MIDEAS: variants seen among roughly 807,000 people sequenced by gnomAD.
MIDEAS encodes mitotic deacetylase associated SANT domain protein, also known as mitotic deacetylase-associated SANT domain protein.
MIDEAS carries 26 observed loss-of-function variants against 102.7 expected under a neutral mutation model. That is an observed-to-expected ratio of 0.25 (90% confidence interval 0.19 to 0.35). The LOEUF (loss-of-function observed/expected upper bound fraction) is 0.35, where lower values mean the gene tolerates loss of function less well. MIDEAS is among the 10% of genes least tolerant of loss of function. The pLI is 1.00. For synonymous variants in MIDEAS, 585 were observed against 591.0 expected (o/e 0.99, Z 0.15); for missense variants, 1,231 against 1,435.6 (o/e 0.86, Z 2.30).
chr14:73,736,062 C>T (rs1020869132), intron 3 of MIDEAS, among the ~76,000 whole-genome samples: 2 of 152,052 alleles, frequency 1.3e-5, no homozygotes, highest in South Asian at 2.1e-4. Flanking sequence ...GAGGCTGAGG[C>T]AGGAGAATCT....
intron 1 of MIDEAS, among the ~76,000 whole-genome samples, chr14:73,748,916 A>C (rs58605848): frequency 0.4 from 60,717 of 152,112 alleles, 13,473 homozygotes; most frequent in East Asian, 0.8. Context: ...ACAGAGCCCC[A>C]AAATACATGA....
chr14:73,761,317 C>CTGTGG, upstream of MIDEAS, among the ~76,000 whole-genome samples: 1 of 152,178 alleles, frequency 6.6e-6, no homozygotes. Flanking sequence ...CCTACAGGGC[C>CTGTGG]AGGGTGGGGT....
intron 1 of MIDEAS, among the ~76,000 whole-genome samples, chr14:73,784,668 G>A (rs2053790152): frequency 6.6e-6 from 1 of 152,200 alleles, no homozygotes; most frequent in Non-Finnish European, 1.5e-5. Flanking sequence ...TCCTGGTCAG[G>A]TGATCCAGCT....
At chr14:73,768,383 G>A (rs936297822) in intron 1 of MIDEAS, among the ~76,000 whole-genome samples, 4 of 152,014 alleles carry the variant, frequency 2.6e-5, no homozygotes, top group South Asian at 2.1e-4. Flanking sequence ...CTCTGGGCCC[G>A]TGTTTCCCAA....
chr14:73,754,551 A>G (rs1197302895), intron 1 of MIDEAS, among the ~76,000 whole-genome samples: 1 of 152,208 alleles, frequency 6.6e-6, no homozygotes, highest in African/African-American at 2.4e-5. Flanking sequence ...TCCCAAAGTG[A>G]AAGTGGAGAC....
chr14:73,719,128 G>A lies in MIDEAS; in HGVS notation c.3135-120C>T, dbSNP rs560771081. ...CACGCTGCACAGCCGCGGCCGGCCA[G>A]CTCGCGTCATTTTCCGAAAGCTGCC... is the stretch of plus-strand genomic sequence containing the variant. On this transcript the variant is annotated intron_variant, in intron 12 of 12. Coordinates refer to ENST00000423556, the MANE Select transcript of MIDEAS (RefSeq NM_001367710.1). The A allele has an allele frequency of 7.4e-5, 108 of 1,462,416 alleles. No homozygotes were observed. In the South Asian group the frequency reaches 1.4e-3, roughly 19 times the overall value. 90.6% of individuals were successfully genotyped at this position (1,462,416 alleles called of 1,614,324 possible). A position where few individuals can be genotyped will look rare whatever the true frequency, so the allele number is the denominator to read the frequency against.
rs1319511415 is a variant in MIDEAS at position 73,725,226 on chromosome 14, A to G, written c.2574+46T>C. 5 of 1,525,292 alleles carry G rather than the reference A, an allele frequency of 3.3e-6. No individual in the cohort carries two copies. The highest frequency in any genetic ancestry group is 4.5e-6 in the Non-Finnish European group (5 of 1,099,388). The allele number at this position is 1,525,292 out of a possible 1,614,324, so 94.5% of individuals were successfully genotyped here. On this transcript the variant is annotated intron_variant, in intron 9 of 12. Coordinates refer to ENST00000423556, the MANE Select transcript of MIDEAS (RefSeq NM_001367710.1). This position sits in a 1 kb window ranked among gnomAD's most constrained non-coding sequence, Gnocchi z 4.1. ...GGCAGAGGGAGCCCCAAAGTCACAC[A>G]GGCAGCTCCTGGCCCTCATTTGCCC...
intron 1 of MIDEAS, among the ~76,000 whole-genome samples, chr14:73,777,955 T>G (rs905588924): frequency 6.6e-6 from 1 of 151,974 alleles, no homozygotes; most frequent in South Asian, 2.1e-4. Context: ...GAAGCTTCTT[T>G]ATCTTTGTAT....
At chr14:73,776,581 C>T (rs1489359523) in intron 1 of MIDEAS, among the ~76,000 whole-genome samples, 1 of 151,502 alleles carries the variant, frequency 6.6e-6, no homozygotes, top group Non-Finnish European at 1.5e-5. Context: ...AAGAGGGATG[C>T]CCTGTCTCCT....
At chr14:73,750,090 C>T (rs2053402707) in intron 1 of MIDEAS, among the ~76,000 whole-genome samples, 2 of 152,200 alleles carry the variant, frequency 1.3e-5, no homozygotes, top group African/African-American at 4.8e-5. Context: ...AAAGACAGAT[C>T]CTTCCCAAAA....
chr14:73,721,390 C>A lies in MIDEAS; in HGVS notation c.2844G>T (p.Glu948Asp), dbSNP rs1261160112. 1.9e-6 allele frequency: 3 copies of A among 1,614,130 alleles called. No individual in the cohort carries two copies. The highest frequency in any genetic ancestry group is 3.3e-5 in the Admixed American group (2 of 60,002). ...CTTCCTGCTCCTCCTTCTCTTGGAT[C>A]TCTGGCACCTCCTCCTCCCCCTCCT... ...PRKEGEEEVP[E>D]IQEKEEQEEG... The change falls in exon 11 of 13, where the codon GAG becomes GAT. Residue 948 changes from glutamate to aspartate, a missense_variant. By Grantham distance (45) the Glu-to-Asp change is conservative. Coordinates refer to ENST00000423556, the MANE Select transcript of MIDEAS (RefSeq NM_001367710.1).
Position 73,740,192 on chromosome 14 carries a change from TCC to T in MIDEAS, c.-186_-185del, listed in dbSNP as rs2053266089. The T allele has an allele frequency of 1.5e-6, 1 of 653,522 alleles. No homozygotes were observed. Among genetic ancestry groups the T allele is most frequent in the Admixed American group, 4.0e-5 (1 of 24,906 alleles). 40.5% of individuals were successfully genotyped at this position (653,522 alleles called of 1,614,324 possible). ...AGAACTGCTGGCTCTTCCTTTCTCT[TCC>T]AGAGAGGCTCTGGGGCTCAGCTACT... is the stretch of plus-strand genomic sequence containing the variant. On this transcript the variant is annotated 5_prime_UTR_variant, in exon 2 of 13. It removes the in-frame stop codon of an upstream open reading frame in the 5' UTR. Transcript: ENST00000423556.
chr14:73,753,347 T>C (rs1278508446), intron 1 of MIDEAS, among the ~76,000 whole-genome samples: 1 of 152,108 alleles, frequency 6.6e-6, no homozygotes, highest in Non-Finnish European at 1.5e-5. Context: ...GATCAAAGCA[T>C]TGTTCCTTGT....
intron 1 of MIDEAS, among the ~76,000 whole-genome samples, chr14:73,770,260 T>C (rs547573830): frequency 6.6e-6 from 1 of 152,246 alleles, no homozygotes; most frequent in African/African-American, 2.4e-5. Flanking sequence ...CAAAGGAATA[T>C]TAGAAGCAAT....
chr14:73,723,032 A>G, intron 9 of MIDEAS, 185 bp from the exon 10 acceptor site: 1 of 592,380 alleles, frequency 1.7e-6, no homozygotes, highest in Non-Finnish European at 3.0e-6. Flanking sequence ...CAATTAATCA[A>G]TGCTTCAGCA....
At chr14:73,773,806 T>G (rs1371354345) in intron 1 of MIDEAS, among the ~76,000 whole-genome samples, 1 of 151,680 alleles carries the variant, frequency 6.6e-6, no homozygotes, top group African/African-American at 2.4e-5. Flanking sequence ...GTGGATCACT[T>G]GAGGTCACGA....
At chr14:73,751,295 C>G (rs1260626506) in intron 1 of MIDEAS, among the ~76,000 whole-genome samples, 1 of 152,236 alleles carries the variant, frequency 6.6e-6, no homozygotes, top group African/African-American at 2.4e-5. Flanking sequence ...CTTCCTCCCC[C>G]AAGAGTTTCA....
chr14:73,788,598 A>G (rs984622562), upstream of MIDEAS, among the ~76,000 whole-genome samples: 4 of 152,372 alleles, frequency 2.6e-5, no homozygotes, highest in Non-Finnish European at 1.5e-5. Flanking sequence ...TTACTAAGAC[A>G]TTAATGGCAC....
In MIDEAS at chr14:73,738,680, C is replaced by CGCT; in HGVS notation, c.1328_1329insAGC (p.Gly443_Gln444insAla). On this transcript the variant is annotated inframe_insertion, in exon 2 of 13. Coordinates refer to ENST00000423556, the MANE Select transcript of MIDEAS (RefSeq NM_001367710.1). ...GGATCACTCCGCCCCGTAGCACCTGCCCACAGTCCCCTGTGCTCACTGCCC... is the reference window on the plus strand; with the variant it reads ...GGATCACTCCGCCCCGTAGCACCTGCGCTCCACAGTCCCCTGTGCTCACTGCCC... The CGCT allele has an allele frequency of 6.2e-7, 1 of 1,613,864 alleles. No individual in the cohort carries two copies. The highest frequency in any genetic ancestry group is 1.3e-5 in the African/African-American group (1 of 75,070).
Sources: allele counts gnomAD v4.1 joint callset (sites outside exome capture counted in the v4.1 genomes callset), GRCh38; gene constraint gnomAD v4.1.1; non-coding constraint Gnocchi (gnomAD v3.1); transcripts MANE v1.5; gene names NCBI Gene and HGNC (gene_info 2026-07-23, HGNC 2026-07-21).